LRRC7: variants seen among roughly 807,000 people sequenced by gnomAD.
The protein encoded by LRRC7 is leucine rich repeat containing 7.
LRRC7 carries 23 observed loss-of-function variants against 175.7 expected under a neutral mutation model. The ratio of observed to expected loss-of-function variants is 0.13; its 90% CI spans 0.09 to 0.19. The LOEUF (loss-of-function observed/expected upper bound fraction) is 0.19. Ranked by LOEUF, LRRC7 falls within the 10% of genes least tolerant of loss-of-function variation. The pLI is 1.00. For missense variants in LRRC7, 1,354 were observed against 1,904.7 expected, an observed-to-expected ratio of 0.71 and a Z score of 5.38; for synonymous variants, 685 against 680.9, an observed-to-expected ratio of 1.01 and a Z score of -0.09.
intron 7 of LRRC7, among the ~76,000 whole-genome samples, chr1:69,897,716 A>G (rs565745635): frequency 1.4e-4 from 21 of 152,360 alleles, no homozygotes; most frequent in African/African-American, 4.6e-4. Context: ...TTTTCTGCTT[A>G]TAAACCAAAA....
chr1:70,034,610 A>T (rs1162580641), intron 18 of LRRC7, among the ~76,000 whole-genome samples: 1 of 152,124 alleles, frequency 6.6e-6, no homozygotes, highest in Non-Finnish European at 1.5e-5. Context: ...CTCACAGCTG[A>T]GCTCACCAGG....
At chr1:69,823,761 G>C (rs1679574011) in intron 4 of LRRC7, among the ~76,000 whole-genome samples, 1 of 151,954 alleles carries the variant, frequency 6.6e-6, no homozygotes, top group Non-Finnish European at 1.5e-5. Flanking sequence ...AATAATTATA[G>C]ATAGCATTAT....
intron 1 of LRRC7, among the ~76,000 whole-genome samples, chr1:69,673,553 A>G (rs994086320): frequency 1.3e-5 from 2 of 152,204 alleles, no homozygotes; most frequent in African/African-American, 4.8e-5. Flanking sequence ...CTGTGCTCCA[A>G]GATTTCATTT....
chr1:69,926,702 T>C (rs563892546), intron 7 of LRRC7, among the ~76,000 whole-genome samples: 218 of 152,282 alleles, frequency 1.4e-3, no homozygotes, highest in African/African-American at 5.1e-3. Flanking sequence ...TATATATTTC[T>C]CTGCACGTGA....
intron 2 of LRRC7, among the ~76,000 whole-genome samples, chr1:69,710,572 A>C (rs1664641536): frequency 6.6e-6 from 1 of 152,104 alleles, no homozygotes. Context: ...GTAAGGCAAA[A>C]CCATGTGCAT....
At chr1:69,776,401 A>G (rs1419820347) in intron 3 of LRRC7, among the ~76,000 whole-genome samples, 3 of 152,216 alleles carry the variant, frequency 2.0e-5, no homozygotes, top group African/African-American at 7.2e-5. Flanking sequence ...TCCAGAAAGG[A>G]AGTTATCTTC....
At chr1:69,970,212 T>A (rs1652094466) in intron 8 of LRRC7, among the ~76,000 whole-genome samples, 1 of 151,696 alleles carries the variant, frequency 6.6e-6, no homozygotes, top group Non-Finnish European at 1.5e-5. Flanking sequence ...TAAGGTAACA[T>A]CTCAAGGAAC....
At chr1:69,724,051 G>A (rs1666655467) in intron 2 of LRRC7, among the ~76,000 whole-genome samples, 1 of 152,158 alleles carries the variant, frequency 6.6e-6, no homozygotes, top group Non-Finnish European at 1.5e-5. Context: ...AAAACCACAT[G>A]TTCTGGAGTT....
chr1:70,107,688 A>G (rs772753325), intron 25 of LRRC7, 64 bp from the exon 26 acceptor site: 214 of 1,202,302 alleles, frequency 1.8e-4, no homozygotes, highest in Non-Finnish European at 2.4e-4. Flanking sequence ...GTGAATGAAG[A>G]TTTGTTTAAG....
At chr1:69,887,873 T>G (rs543464810) in intron 7 of LRRC7, among the ~76,000 whole-genome samples, 14 of 147,016 alleles carry the variant, frequency 9.5e-5, no homozygotes, top group Admixed American at 3.4e-4. Context: ...TGGAATACCC[T>G]GCTGTGTGAG....
chr1:69,668,503 C>A (rs1019828615), intron 1 of LRRC7, among the ~76,000 whole-genome samples: 2 of 152,172 alleles, frequency 1.3e-5, no homozygotes, highest in Non-Finnish European at 2.9e-5. Context: ...GCATAGTATT[C>A]CATGGCGTAT....
chr1:69,907,313 G>A (rs1295482604), intron 7 of LRRC7, among the ~76,000 whole-genome samples: 1 of 152,198 alleles, frequency 6.6e-6, no homozygotes, highest in Non-Finnish European at 1.5e-5. Context: ...TAGGAGTGGT[G>A]AGAGAGGGCA....
chr1:70,095,815 C>G (rs1157532257), intron 25 of LRRC7, among the ~76,000 whole-genome samples: 2 of 151,970 alleles, frequency 1.3e-5, no homozygotes, highest in African/African-American at 4.8e-5. Context: ...ATTTTTTAAT[C>G]AAAATATGAA....
At chr1:70,021,184 GT>G in intron 16 of LRRC7, 55 bp downstream of exon 16, 1 of 1,554,426 alleles carries the variant, frequency 6.4e-7, no homozygotes, top group Non-Finnish European at 8.8e-7. Flanking sequence ...TTGTTTGTCC[GT>G]TTTTCTTATT....
chr1:69,949,387 C>G (rs921110580), intron 8 of LRRC7, among the ~76,000 whole-genome samples: 2 of 152,138 alleles, frequency 1.3e-5, no homozygotes, highest in Non-Finnish European at 2.9e-5. Flanking sequence ...GTCTGACCAA[C>G]ATGGCGAAAT....
At chr1:69,676,671 A>G (rs879782123) in intron 1 of LRRC7, among the ~76,000 whole-genome samples, 7 of 152,110 alleles carry the variant, frequency 4.6e-5, no homozygotes, top group Non-Finnish European at 1.0e-4. Context: ...ATTTATATTA[A>G]CCACTTTTTT....
intron 11 of LRRC7, among the ~76,000 whole-genome samples, chr1:70,009,730 C>G (rs1656327228): frequency 6.6e-6 from 1 of 152,286 alleles, no homozygotes; most frequent in East Asian, 1.9e-4. Flanking sequence ...TTTACTTAAG[C>G]AATACTTTCC....
chr1:69,933,923 T>C (rs779195462), intron 8 of LRRC7, among the ~76,000 whole-genome samples: 26 of 152,212 alleles, frequency 1.7e-4, no homozygotes, highest in Non-Finnish European at 3.4e-4. Flanking sequence ...TAAGTCTCTT[T>C]TTCTATTTTC....
At chr1:69,801,223 G>A (rs1676444591) in intron 4 of LRRC7, among the ~76,000 whole-genome samples, 1 of 151,762 alleles carries the variant, frequency 6.6e-6, no homozygotes, top group Non-Finnish European at 1.5e-5. Flanking sequence ...GATAATACTT[G>A]CTTTCTAGAA....
Sources: gnomAD v4.1 joint callset for allele counts (sites outside exome capture counted in the v4.1 genomes callset) on GRCh38, gnomAD v4.1.1 for gene constraint, MANE v1.5 for transcripts, NCBI Gene and HGNC (gene_info 2026-07-23, HGNC 2026-07-21) for gene names.